Variants in ZNF616 observed in about 807,000 individuals in gnomAD.
ZNF616 encodes the protein zinc finger protein 616.
ZNF616 carries 5 observed loss-of-function variants against 7.6 expected under a neutral mutation model. The observed-to-expected ratio is 0.66, with a 90% confidence interval of 0.34 to 1.38. ZNF616 has a LOEUF of 1.38. Among genes scored for constraint, ZNF616 ranks in the 40% most tolerant of loss-of-function variants. The pLI, the probability that ZNF616 is intolerant of heterozygous loss-of-function variation, is 0.04. For missense variants in ZNF616, 913 were observed against 948.3 expected (o/e 0.96, Z 0.49); for synonymous variants, 319 against 317.2 (o/e 1.01, Z -0.06).
chr19:52,125,090 G>A (rs1304422141), intron 2 of ZNF616, among the ~76,000 whole-genome samples: 1 of 152,124 alleles, frequency 6.6e-6, no homozygotes, highest in South Asian at 2.1e-4. Context: ...GAATTGTGGA[G>A]GAGAGAAAAA....
intron 3 of ZNF616, among the ~76,000 whole-genome samples, chr19:52,121,395 T>C (rs902188223): frequency 6.6e-6 from 1 of 152,134 alleles, no homozygotes; most frequent in South Asian, 2.1e-4. Context: ...TCAAAAAATA[T>C]GTGGAAACAA....
At chr19:52,118,611 C>T (rs557139535) in intron 3 of ZNF616, among the ~76,000 whole-genome samples, 101 of 152,328 alleles carry the variant, frequency 6.6e-4, no homozygotes, top group Non-Finnish European at 1.1e-3. Flanking sequence ...GACTTCTCAC[C>T]ACCCAGATCT....
At chr19:52,136,378 G>A (rs1361872280) in intron 1 of ZNF616, among the ~76,000 whole-genome samples, 1 of 151,964 alleles carries the variant, frequency 6.6e-6, no homozygotes, top group Non-Finnish European at 1.5e-5. Context: ...GTGCTTCGGA[G>A]GATGAGGTCG....
chr19:52,130,078 C>A (rs528158259), intron 2 of ZNF616, among the ~76,000 whole-genome samples: 243 of 152,256 alleles, frequency 1.6e-3, no homozygotes, highest in African/African-American at 5.4e-3. Flanking sequence ...TGGCCCCTTT[C>A]GATAATTTAC....
intron 1 of ZNF616, chr19:52,138,792 TC>T (rs2089034697): frequency 6.6e-6 from 1 of 152,620 alleles, no homozygotes; most frequent in African/African-American, 2.4e-5. Flanking sequence ...ACCCCCAACT[TC>T]CTAGGCTTCC....
At chr19:52,128,668 G>C (rs754317418) in intron 2 of ZNF616, among the ~76,000 whole-genome samples, 4 of 151,704 alleles carry the variant, frequency 2.6e-5, no homozygotes, top group Non-Finnish European at 5.9e-5. Context: ...CTTGAACCTG[G>C]GAGGCGGAGG....
chr19:52,118,087 T>C (rs1023118604), intron 3 of ZNF616, among the ~76,000 whole-genome samples: 2 of 152,060 alleles, frequency 1.3e-5, no homozygotes, highest in African/African-American at 2.4e-5. Context: ...AGACCAAAGA[T>C]GTTCACCACC....
In ZNF616 at chr19:52,116,928, C is replaced by T; in HGVS notation, c.236G>A (p.Ser79Asn). 6.2e-7 allele frequency: 1 copy of T among 1,613,840 alleles called. No homozygotes were observed. The highest frequency in any genetic ancestry group is 8.5e-7 in the Non-Finnish European group (1 of 1,179,928). ...FQTVALERHQ[S>N]YDIENLYFRE... Reference sequence around the variant, plus strand: ...GAAGTATAAATTTTCAATATCATAGCTTTGATGTCTTTCCAGTGCCACTGT... The same window carrying T: ...GAAGTATAAATTTTCAATATCATAGTTTTGATGTCTTTCCAGTGCCACTGT... The change falls in exon 4 of 4, where the codon AGC becomes AAC. Residue 79 changes from serine (S) to asparagine (N), a missense_variant. By Grantham distance (46) the Ser-to-Asn change is conservative (BLOSUM62 1). Coordinates refer to ENST00000600228, the MANE Select transcript of ZNF616 (RefSeq NM_178523.5).
intron 3 of ZNF616, among the ~76,000 whole-genome samples, chr19:52,120,734 ATAAT>A (rs1438686428): frequency 1.3e-5 from 2 of 152,254 alleles, no homozygotes; most frequent in Non-Finnish European, 2.9e-5. Context: ...GCATTATCTA[ATAAT>A]TAAAGGGTTA....
intron 1 of ZNF616, among the ~76,000 whole-genome samples, chr19:52,137,402 G>A (rs867036752): frequency 4.6e-5 from 7 of 152,004 alleles, no homozygotes; most frequent in Admixed American, 3.3e-4. Flanking sequence ...TAGCCTGGGC[G>A]ACAGAGCGAG....
intron 1 of ZNF616, among the ~76,000 whole-genome samples, chr19:52,135,885 T>C (rs957171401): frequency 3.3e-5 from 5 of 152,076 alleles, no homozygotes; most frequent in African/African-American, 1.2e-4. Context: ...TCCTAGCATG[T>C]TGAGAGGCCG....
intron 1 of ZNF616, among the ~76,000 whole-genome samples, chr19:52,136,016 G>A (rs2089003470): frequency 6.6e-6 from 1 of 151,432 alleles, no homozygotes; most frequent in South Asian, 2.1e-4. Context: ...TGTAATCTCA[G>A]CTACTTGTGA....
chr19:52,117,646 T>C (rs1048507329), intron 3 of ZNF616, among the ~76,000 whole-genome samples: 17 of 152,146 alleles, frequency 1.1e-4, no homozygotes, highest in Admixed American at 1.0e-3. Flanking sequence ...TATGGAATTC[T>C]AAACAAATCT....
chr19:52,128,201 A>C (rs898851965), intron 2 of ZNF616, among the ~76,000 whole-genome samples: 6 of 151,996 alleles, frequency 3.9e-5, no homozygotes, highest in African/African-American at 1.5e-4. Flanking sequence ...AAAAAAAAAA[A>C]AAACTTACTA....
intron 1 of ZNF616, among the ~76,000 whole-genome samples, chr19:52,132,941 T>C (rs1423721572): frequency 1.3e-5 from 2 of 151,990 alleles, no homozygotes; most frequent in Non-Finnish European, 2.9e-5. Context: ...TTGAGAAACA[T>C]TCGAAGTCCG....
In ZNF616 at chr19:52,114,891, G is replaced by A. The variant is rs139199939; in HGVS notation, c.2273C>T (p.Ser758Leu). The change falls in exon 4 of 4, where the codon TCA becomes TTA. Residue 758 changes from serine (S) to leucine (L), a missense_variant. By Grantham distance (145) the Ser-to-Leu change is moderately radical (BLOSUM62 -2). Transcript: ENST00000600228. Reference sequence around the variant, plus strand: ...TCTTATTCGATGTTTAGTGAGGCCTGAGCGACAAATAAAAGATTTCCCACA... The same window carrying A: ...TCTTATTCGATGTTTAGTGAGGCCTAAGCGACAAATAAAAGATTTCCCACA... The part of the protein sequence containing the change: ...NECGKSFICR[S>L]GLTKHRIRHT... The A allele has an allele frequency of 8.1e-6, 13 of 1,613,628 alleles. No individual in the cohort carries two copies. The Admixed American group carries it at 8.3e-5, about 10-fold the overall frequency.
intron 3 of ZNF616, among the ~76,000 whole-genome samples, chr19:52,121,960 A>AACCTATAT (rs1477042354): frequency 6.6e-6 from 1 of 152,158 alleles, no homozygotes; most frequent in Admixed American, 6.6e-5. Context: ...AGGTTTTATA[A>AACCTATAT]ACATCAGTTG....
chr19:52,116,353 A>G lies in ZNF616; in HGVS notation c.811T>C (p.Cys271Arg). The change falls in exon 4 of 4, where the codon TGT becomes CGT. Residue 271 changes from cysteine (C) to arginine (R), a missense_variant. By Grantham distance (180) the Cys-to-Arg change is radical. Transcript: ENST00000600228. The stretch of plus-strand genomic sequence containing the variant: ...CTAAAGGACTTGCCACATTCATTAC[A>G]TATGTAGGGTTTCTGTCCAGTGTGA... ...RSHTGQKPYI[C>R]NECGKSFSKS... The G allele has an allele frequency of 1.9e-6, 3 of 1,614,168 alleles. No homozygotes were observed. The highest frequency in any genetic ancestry group is 2.5e-6 in the Non-Finnish European group (3 of 1,180,020).
At chr19:52,126,804 A>C (rs1050919066) in intron 2 of ZNF616, among the ~76,000 whole-genome samples, 1 of 152,034 alleles carries the variant, frequency 6.6e-6, no homozygotes, top group Non-Finnish European at 1.5e-5. Context: ...TAAAATAAAG[A>C]AAATGAAGAG....
Sources: allele counts gnomAD v4.1 joint callset (sites outside exome capture counted in the v4.1 genomes callset), GRCh38; gene constraint gnomAD v4.1.1; transcripts MANE v1.5; gene names NCBI Gene and HGNC (gene_info 2026-07-23, HGNC 2026-07-21).